TRIP13: variants seen among roughly 807,000 people sequenced by gnomAD.
TRIP13 encodes thyroid hormone receptor interactor 13, also known as pachytene checkpoint protein 2 homolog.
Under a neutral mutation model 54.4 loss-of-function variants are expected in TRIP13, and 25 were observed. The ratio of observed to expected loss-of-function variants is 0.46; its 90% CI spans 0.33 to 0.64. The LOEUF (loss-of-function observed/expected upper bound fraction) is 0.64, where lower values mean the gene tolerates loss of function less well. TRIP13 is among the 30% of genes least tolerant of loss of function. The pLI is 0.02. For missense variants in TRIP13, 373 were observed against 534.2 expected, an observed-to-expected ratio of 0.70 and a Z score of 2.97; for synonymous variants, 207 against 207.8, an observed-to-expected ratio of 1.00 and a Z score of 0.03.
chr5:907,538 G>A lies in TRIP13; in HGVS notation c.672+345G>A, dbSNP rs978803450. ...GGGGTCAGACAAGGTGATGTCACAT[G>A]TGATTCTTACCTCTGAGGAGCTGTG... On this transcript the variant is annotated intron_variant, in intron 7 of 12. Transcript: ENST00000166345. The surrounding 1 kb of genome is among the most constrained non-coding windows in gnomAD (Gnocchi z 4.1). Among the ~76,000 whole-genome samples the A allele has an allele frequency of 3.2e-4, 48 of 152,228 alleles. No homozygotes were observed. The highest frequency in any genetic ancestry group is 6.2e-4 in the Non-Finnish European group (42 of 68,046).
In TRIP13 at chr5:913,865, T is replaced by A. The variant is rs545705682; in HGVS notation, c.1021-600T>A. On this transcript the variant is annotated intron_variant, in intron 10 of 12. Coordinates refer to ENST00000166345, the MANE Select transcript of TRIP13 (RefSeq NM_004237.4). This position sits in a 1 kb window ranked among gnomAD's most constrained non-coding sequence, Gnocchi z 4.5. ...CTTGTTCCTGAGTCAGAACGGTTCGTATTAGAATTCAGTCATAGTAAGTCA... is the reference window on the plus strand; with the variant it reads ...CTTGTTCCTGAGTCAGAACGGTTCGAATTAGAATTCAGTCATAGTAAGTCA... Among the ~76,000 whole-genome samples the A allele has an allele frequency of 1.5e-4, 23 of 152,272 alleles. No individual in the cohort carries two copies. Among genetic ancestry groups the A allele is most frequent in the South Asian group, 8.3e-4 (4 of 4,814 alleles).
At chr5:909,610 T>C (rs1214385644) in intron 9 of TRIP13, among the ~76,000 whole-genome samples, 1 of 151,894 alleles carries the variant, frequency 6.6e-6, no homozygotes, top group Non-Finnish European at 1.5e-5. Flanking sequence ...CACACACAAA[T>C]ATAGAGGTGT....
In TRIP13 at chr5:892,989, CG is replaced by C; in HGVS notation, c.-5del. 1.9e-6 allele frequency: 3 copies of C among 1,563,806 alleles called. No homozygotes were observed. The highest frequency in any genetic ancestry group is 1.4e-5 in the African/African-American group (1 of 72,356). On this transcript the variant is annotated 5_prime_UTR_variant, in exon 1 of 13. Transcript: ENST00000166345. Reference sequence around the variant, plus strand: ...GCCCTGGTTGGGTCCCCACTGCTCTCGGGGGCGCCATGGACGAGGCCGTGGG... The same window carrying C: ...GCCCTGGTTGGGTCCCCACTGCTCTCGGGGCGCCATGGACGAGGCCGTGGG...
chr5:903,322 T>C (rs987233539), intron 5 of TRIP13, among the ~76,000 whole-genome samples: 2 of 152,156 alleles, frequency 1.3e-5, no homozygotes, highest in Non-Finnish European at 2.9e-5. Context: ...ACTCTTGTCT[T>C]CTAGTCACTT....
In TRIP13 at chr5:914,639, CATT is replaced by C; in HGVS notation, c.1133+63_1133+65del. On this transcript the variant is annotated intron_variant, in intron 11 of 12. Transcript: ENST00000166345. ...CCATTTGTGATATTAACTAGGGAGTCATTGTTTCCTTTGAGGAGACCAGGGAGG... is the reference window on the plus strand; with the variant it reads ...CCATTTGTGATATTAACTAGGGAGTCGTTTCCTTTGAGGAGACCAGGGAGG... 7 of 1,403,210 alleles carry C rather than the reference CATT, an allele frequency of 5.0e-6. 1 individual carries two copies. The highest frequency in any genetic ancestry group is 7.0e-6 in the Non-Finnish European group (7 of 998,674). The allele number at this position is 1,403,210 out of a possible 1,614,324, so 86.9% of individuals were successfully genotyped here. A position where few individuals can be genotyped will look rare whatever the true frequency, so the allele number is the denominator to read the frequency against.
intron 1 of TRIP13, 90 bp downstream of exon 1, chr5:893,180 C>A: frequency 8.2e-7 from 1 of 1,222,350 alleles, no homozygotes; most frequent in Non-Finnish European, 1.1e-6. Flanking sequence ...CGCACTGATT[C>A]TGATGCGACC....
rs955660394 is a variant in TRIP13 at position 913,553 on chromosome 5, A to C, written c.1021-912A>C. On this transcript the variant is annotated intron_variant, in intron 10 of 12. Transcript: ENST00000166345. This position sits in a 1 kb window ranked among gnomAD's most constrained non-coding sequence, Gnocchi z 4.5. ...GTATTTTCAGTAGAGAAAGGGTTTC[A>C]TCATGTTGGCCTGGCTGGTCTCAAA... Among the ~76,000 whole-genome samples the C allele has an allele frequency of 2.0e-5, 3 of 152,166 alleles. No individual in the cohort carries two copies. The highest frequency in any genetic ancestry group is 2.9e-5 in the Non-Finnish European group (2 of 68,024).
chr5:903,962 G>A (rs550184907), intron 5 of TRIP13, among the ~76,000 whole-genome samples, 186 bp from the exon 6 acceptor site: 29 of 152,136 alleles, frequency 1.9e-4, no homozygotes, highest in African/African-American at 6.5e-4. Context: ...AGAAAGAGGG[G>A]GAGACGTAAG....
Position 907,143 on chromosome 5 carries a change from C to A in TRIP13, c.622C>A (p.Gln208Lys). 6.2e-7 allele frequency: 1 copy of A among 1,613,996 alleles called. No homozygotes were observed. The change falls in exon 7 of 13, where the codon CAA becomes AAA. Residue 208 changes from glutamine to lysine, a missense_variant. Coordinates refer to ENST00000166345, the MANE Select transcript of TRIP13 (RefSeq NM_004237.4). This position sits in a 1 kb window ranked among gnomAD's most constrained non-coding sequence, Gnocchi z 4.1. The part of the protein sequence containing the change: ...IRLSSRYRYG[Q>K]LIEINSHSLF... ...TTTCTATCTCAGGTACCGATATGGC[C>A]AATTAATTGAAATAAACAGCCACAG...
chr5:917,238 C>A lies in TRIP13; in HGVS notation c.*135C>A. ...CTTAGACTGCAAGCTAGAAAGCCAC[C>A]AAGGCCAGGCTTTGTTAAAAGAAGT... On this transcript the variant is annotated 3_prime_UTR_variant, in exon 13 of 13. Coordinates refer to ENST00000166345, the MANE Select transcript of TRIP13 (RefSeq NM_004237.4). 2 of 717,556 alleles carry A rather than the reference C, an allele frequency of 2.8e-6. No individual in the cohort carries two copies. Among genetic ancestry groups the A allele is most frequent in the Non-Finnish European group, 4.5e-6 (2 of 440,262 alleles). 44.4% of individuals were successfully genotyped at this position (717,556 alleles called of 1,614,324 possible).
chr5:892,970 G>A lies in TRIP13; in HGVS notation c.-29G>A. 2 of 1,506,730 alleles carry A rather than the reference G, an allele frequency of 1.3e-6. No homozygotes were observed. Among genetic ancestry groups the A allele is most frequent in the Non-Finnish European group, 1.8e-6 (2 of 1,132,206 alleles). 93.3% of individuals were successfully genotyped at this position (1,506,730 alleles called of 1,614,324 possible). On this transcript the variant is annotated 5_prime_UTR_variant, in exon 1 of 13. Transcript: ENST00000166345. ...GTGAGGTGGCGGCGGCCGCGCCCTG[G>A]TTGGGTCCCCACTGCTCTCGGGGGC...
At position 913,335 on chromosome 5, in the gene TRIP13, G is replaced by T. The variant is rs993984322; in HGVS notation, c.1021-1130G>T. ...AGAGGGATGGACTTTTTCTGGGACA[G>T]TGTAGGACAGGGGTAGTTTTTTGTT... is the stretch of plus-strand genomic sequence containing the variant. On this transcript the variant is annotated intron_variant, in intron 10 of 12. Coordinates refer to ENST00000166345, the MANE Select transcript of TRIP13 (RefSeq NM_004237.4). The surrounding 1 kb of genome is among the most constrained non-coding windows in gnomAD (Gnocchi z 4.5). 1.1e-4 allele frequency among the ~76,000 whole-genome samples: 17 copies of T among 152,146 alleles called. No homozygotes were observed. Among genetic ancestry groups the T allele is most frequent in the Non-Finnish European group, 2.1e-4 (14 of 68,020 alleles).
Position 911,949 on chromosome 5 carries a change from G to A in TRIP13, c.973G>A (p.Ala325Thr), listed in dbSNP as rs751617538. The change falls in exon 10 of 13, where the codon GCA (alanine) becomes ACA (threonine). Residue 325 changes from alanine to threonine, a missense_variant. Ala to Thr is a moderately conservative substitution (Grantham distance 58). Around this residue, in one of 4 missense-constraint regions of TRIP13, gnomAD observed 101 missense variants for 138.5 expected, o/e 0.73. Transcript: ENST00000166345. This position sits in a 1 kb window ranked among gnomAD's most constrained non-coding sequence, Gnocchi z 4.7. ...GCAGTACATTGGGCCACCCTCTGCAGCAGCCATCTTCAAAATCTACCTCTC... is the reference window on the plus strand; with the variant it reads ...GCAGTACATTGGGCCACCCTCTGCAACAGCCATCTTCAAAATCTACCTCTC... ...IKQYIGPPSAAAIFKIYLSCL... is the reference protein window; with the variant it reads ...IKQYIGPPSATAIFKIYLSCL... 6.2e-7 allele frequency: 1 copy of A among 1,613,558 alleles called. No homozygotes were observed. The highest frequency in any genetic ancestry group is 8.5e-7 in the Non-Finnish European group (1 of 1,179,910).
At chr5:918,503 A>C (rs573370920), downstream of TRIP13, among the ~76,000 whole-genome samples, 1 of 152,208 alleles carries the variant, frequency 6.6e-6, no homozygotes, top group Non-Finnish European at 1.5e-5. This position sits in a 1 kb window ranked among gnomAD's most constrained non-coding sequence, Gnocchi z 4.3. Flanking sequence ...TCAAGAAACA[A>C]TTTGAGCTTT....
chr5:894,960 A>G lies in TRIP13; in HGVS notation c.258+8A>G, dbSNP rs1231878244. ...AAGGTTAAAGACTCACAGGTAAGTT[A>G]CTAATTTGCTGGGCCAAGGAACAGT... On this transcript the variant is annotated splice_region_variant and intron_variant, in intron 2 of 12. Transcript: ENST00000166345. 1.3e-6 allele frequency: 2 copies of G among 1,597,886 alleles called. No individual in the cohort carries two copies. Among genetic ancestry groups the G allele is most frequent in the African/African-American group, 2.7e-5 (2 of 73,354 alleles).
chr5:902,836 T>C (rs1447709075), intron 5 of TRIP13, among the ~76,000 whole-genome samples: 4 of 152,300 alleles, frequency 2.6e-5, no homozygotes, highest in Admixed American at 2.6e-4. Context: ...GGGTCACGTG[T>C]CCACTGGACA....
chr5:911,799 C>G lies in TRIP13; in HGVS notation c.867-44C>G. Reference sequence around the variant, plus strand: ...ATAGGGCAGGATAGAATTGGGTCACCGACAGCCGTGATGACTGTGGTGCTT... The same window carrying G: ...ATAGGGCAGGATAGAATTGGGTCACGGACAGCCGTGATGACTGTGGTGCTT... On this transcript the variant is annotated intron_variant, in intron 9 of 12. Coordinates refer to ENST00000166345, the MANE Select transcript of TRIP13 (RefSeq NM_004237.4). This position sits in a 1 kb window ranked among gnomAD's most constrained non-coding sequence, Gnocchi z 4.7. 3 of 1,578,796 alleles carry G rather than the reference C, an allele frequency of 1.9e-6. No homozygotes were observed. Among genetic ancestry groups the G allele is most frequent in the East Asian group, 2.2e-5 (1 of 44,446 alleles).
rs1233066514 is a variant in TRIP13, at chr5:911,209, C to T, written c.867-634C>T. ...AGTATGTCTAGGGATGATGAGTGGC[C>T]ATGCCCAGGTGGTGGTGGGCACCAG... On this transcript the variant is annotated intron_variant, in intron 9 of 12. Transcript: ENST00000166345. The surrounding 1 kb of genome is among the most constrained non-coding windows in gnomAD (Gnocchi z 4.7). Among the ~76,000 whole-genome samples, 1 of 152,192 alleles carries T rather than the reference C, an allele frequency of 6.6e-6. No individual in the cohort carries two copies. Among genetic ancestry groups the T allele is most frequent in the East Asian group, 1.9e-4 (1 of 5,188 alleles).
chr5:893,154 C>T (rs1291367789), intron 1 of TRIP13, 64 bp downstream of exon 1: 39 of 1,428,520 alleles, frequency 2.7e-5, no homozygotes, highest in Middle Eastern at 3.5e-4. Context: ...GCGCGTGCAC[C>T]GAGCCCCGAC....
Sources: gnomAD v4.1 joint callset for allele counts (sites outside exome capture counted in the v4.1 genomes callset) on GRCh38, gnomAD v4.1.1 for gene constraint, gnomAD v4.1.1 regional missense constraint, Gnocchi (gnomAD v3.1) non-coding constraint, MANE v1.5 for transcripts, NCBI Gene and HGNC (gene_info 2026-07-23, HGNC 2026-07-21) for gene names.